The following EIF2AK4 variants were observed in gnomAD, a reference collection of about 807,000 sequenced individuals.
EIF2AK4 encodes eukaryotic translation initiation factor 2 alpha kinase 4.
Under a neutral mutation model 211.1 loss-of-function variants are expected in EIF2AK4, and 139 were observed. The observed-to-expected ratio is 0.66, with a 90% CI of 0.57 to 0.76. The LOEUF is 0.76. EIF2AK4 is among the 30% of genes least tolerant of loss of function. The probability of loss-of-function intolerance (pLI) is 0.00; values close to 1 mark genes in which losing one functional copy is unlikely to be tolerated. For synonymous variants in EIF2AK4, 710 were observed against 751.3 expected (o/e 0.94, Z 0.90); for missense variants, 1,664 against 2,043.8 (o/e 0.81, Z 3.58).
At chr15:39,990,034 G>C (rs2034920802) in intron 15 of EIF2AK4, among the ~76,000 whole-genome samples, 2 of 152,176 alleles carry the variant, frequency 1.3e-5, no homozygotes, top group African/African-American at 4.8e-5. Context: ...GGCCTTGGAT[G>C]CCACAGGGAA....
At chr15:39,984,772 AAATATAC>A (rs1411162610) in intron 13 of EIF2AK4, among the ~76,000 whole-genome samples, 2 of 152,190 alleles carry the variant, frequency 1.3e-5, no homozygotes, top group Non-Finnish European at 2.9e-5. Context: ...GGGGTTTTCT[AAATATAC>A]AATTAAGTCA....
At position 40,001,001 on chromosome 15, in the gene EIF2AK4, C is replaced by T. The variant is rs776612590; in HGVS notation, c.2936C>T (p.Ser979Phe). 7.4e-6 allele frequency: 12 copies of T among 1,614,072 alleles called. No individual in the cohort carries two copies. In the Admixed American group the frequency reaches 1.8e-4, roughly 25 times the overall value. Residue 979 changes from serine (S) to phenylalanine (F), a missense_variant, in exon 21 of 39, where the codon TCC (serine) becomes TTC (phenylalanine). Ser to Phe is a radical substitution (Grantham distance 155). Transcript: ENST00000263791. ...GTTTTATTGTAGAAATCAGTCATCT[C>T]CTGGCTGTTGAACCACGATCCAGCA... is the stretch of plus-strand genomic sequence containing the variant. The part of the protein sequence containing the change: ...GEHAKQKSVI[S>F]WLLNHDPAKR...
chr15:40,022,827 G>A (rs932717774), intron 32 of EIF2AK4, among the ~76,000 whole-genome samples: 27 of 151,960 alleles, frequency 1.8e-4, no homozygotes, highest in African/African-American at 6.5e-4. Flanking sequence ...TCCGCCTCCC[G>A]GGTTCTCGCC....
At chr15:39,951,806 G>T in intron 4 of EIF2AK4, 1 of 164,040 alleles carries the variant, frequency 6.1e-6, no homozygotes. Flanking sequence ...TATTATACAA[G>T]CCATGGTATA....
At position 40,011,641 on chromosome 15, in the gene EIF2AK4, G is replaced by A. The variant is rs2412464; in HGVS notation, c.3759+295G>A. On this transcript the variant is annotated intron_variant, in intron 27 of 38. Transcript: ENST00000263791. ...TGTCACCCCTTATAGAGCTGTGCCT[G>A]GTAGAGCCTCCTGCTGAACATACCT... Among the ~76,000 whole-genome samples the A allele has an allele frequency of 0.59, 89,016 of 151,984 alleles. 26,145 individuals carry two copies. Among genetic ancestry groups the A allele is most frequent in the Admixed American group, 0.66 (10,094 of 15,262 alleles).
At chr15:40,030,267 T>G in intron 34 of EIF2AK4, 92 bp from the exon 35 acceptor site, 1 of 1,238,968 alleles carries the variant, frequency 8.1e-7, no homozygotes, top group Non-Finnish European at 1.2e-6. Flanking sequence ...CACGACAGGA[T>G]GTCTACTAAT....
chr15:39,961,904 G>A lies in EIF2AK4; in HGVS notation c.859+5G>A. ...TGCACAAAGGGAAATGTATTGGTGAGTAAACTAGCAAAATCTATTCATATT... is the reference window on the plus strand; with the variant it reads ...TGCACAAAGGGAAATGTATTGGTGAATAAACTAGCAAAATCTATTCATATT... On this transcript the variant is annotated splice_donor_5th_base_variant and intron_variant, in intron 7 of 38. Coordinates refer to ENST00000263791, the MANE Select transcript of EIF2AK4 (RefSeq NM_001013703.4). 3 of 1,599,846 alleles carry A rather than the reference G, an allele frequency of 1.9e-6. No homozygotes were observed. Among genetic ancestry groups the A allele is most frequent in the South Asian group, 2.2e-5 (2 of 90,004 alleles).
chr15:39,976,461 C>T lies in EIF2AK4; in HGVS notation c.1866C>T (p.Pro622=). The T allele has an allele frequency of 1.9e-6, 3 of 1,610,408 alleles. No homozygotes were observed. Among genetic ancestry groups the T allele is most frequent in the East Asian group, 2.2e-5 (1 of 44,662 alleles). ...DGCCYAVKRI[P]INPASRQFRR... is the part of the protein sequence containing the mutation. Reference sequence around the variant, plus strand: ...GCTGCTACGCAGTGAAGCGCATCCCCATCAACCCGGCCAGCCGGCAGTTCC... The same window carrying T: ...GCTGCTACGCAGTGAAGCGCATCCCTATCAACCCGGCCAGCCGGCAGTTCC... Residue 622 remains proline (P), a synonymous_variant, in exon 12 of 39, where the codon CCC becomes CCT. Transcript: ENST00000263791.
intron 1 of EIF2AK4, 23 bp downstream of exon 1, chr15:39,934,362 C>T (rs1207875006): frequency 1.3e-6 from 2 of 1,591,436 alleles, no homozygotes; most frequent in South Asian, 2.3e-5. Flanking sequence ...CTTGTCAGGC[C>T]CGGGCTGGCG....
chr15:39,939,938 G>A (rs961896742), intron 2 of EIF2AK4, among the ~76,000 whole-genome samples: 1 of 152,152 alleles, frequency 6.6e-6, no homozygotes, highest in East Asian at 1.9e-4. Context: ...AAACAATAAA[G>A]GCATGGTGAC....
rs774081522 is a variant in EIF2AK4 at position 39,985,897 on chromosome 15, G to A, written c.2403+9G>A. On this transcript the variant is annotated intron_variant, in intron 14 of 38. Transcript: ENST00000263791. ...ACTACCTATACATCCAGGTGAGGTC[G>A]TGGTGTGTAGTTAGGTGACACAGCA... is the stretch of plus-strand genomic sequence containing the variant. The A allele has an allele frequency of 3.0e-5, 49 of 1,613,096 alleles. No individual in the cohort carries two copies. Among genetic ancestry groups the A allele is most frequent in the Admixed American group, 6.7e-5 (4 of 59,886 alleles).
At chr15:39,981,924 C>CTTTTTT (rs34776250) in intron 13 of EIF2AK4, among the ~76,000 whole-genome samples, 7 of 122,280 alleles carry the variant, frequency 5.7e-5, no homozygotes, top group Non-Finnish European at 8.3e-5. Flanking sequence ...AATGTGGTCA[C>CTTTTTT]TTTTTTTTTT....
At chr15:40,029,658 T>TAG (rs2035512375) in intron 34 of EIF2AK4, among the ~76,000 whole-genome samples, 194 bp downstream of exon 34, 1 of 152,234 alleles carries the variant, frequency 6.6e-6, no homozygotes, top group Non-Finnish European at 1.5e-5. Context: ...AACTGGAATT[T>TAG]AGCTGACTCT....
At chr15:39,936,398 A>C (rs949378670) in intron 1 of EIF2AK4, among the ~76,000 whole-genome samples, 1 of 152,166 alleles carries the variant, frequency 6.6e-6, no homozygotes, top group Non-Finnish European at 1.5e-5. Flanking sequence ...AAAGTGATGC[A>C]GGTCCAAAAT....
In EIF2AK4 at chr15:40,019,142, T is replaced by A; in HGVS notation, c.4115T>A (p.Ile1372Asn). ...GCTCTGGGGCCAGTTCCCACTGCCA[T>A]TGGGGTCAGCATAGCTATAGACAAG... ...PQALGPVPTA[I>N]GVSIAIDKIS... is the part of the protein sequence containing the mutation. Residue 1372 changes from isoleucine (I) to asparagine (N), a missense_variant, in exon 30 of 39, where the codon ATT (isoleucine) becomes AAT (asparagine). Ile to Asn is a moderately radical substitution (Grantham distance 149). Around this residue, in one of 7 missense-constraint regions of EIF2AK4, gnomAD observed 622 missense variants for 796.8 expected, o/e 0.78. Transcript: ENST00000263791. The A allele has an allele frequency of 6.2e-7, 1 of 1,608,046 alleles. No homozygotes were observed. The highest frequency in any genetic ancestry group is 1.1e-5 in the South Asian group (1 of 89,642).
At chr15:39,946,631 C>T (rs2034231345) in intron 3 of EIF2AK4, 3 of 700,864 alleles carry the variant, frequency 4.3e-6, no homozygotes, top group East Asian at 5.4e-5. Flanking sequence ...GAAAGAAGTT[C>T]AAGTGTGACT....
chr15:40,019,750 A>G (rs1445145703), intron 30 of EIF2AK4, among the ~76,000 whole-genome samples: 3 of 152,176 alleles, frequency 2.0e-5, no homozygotes, highest in Non-Finnish European at 2.9e-5. Context: ...GGTGCCAAAA[A>G]GGTTGAAGAC....
In EIF2AK4 at chr15:40,034,582, A is replaced by G; in HGVS notation, c.4892+138A>G. On this transcript the variant is annotated intron_variant, in intron 38 of 38. Transcript: ENST00000263791. ...CTTAGAATTGCAGCTGACAACCAAT[A>G]AATCTTGCTTGGACTGTGAATCACA... 3 of 684,772 alleles carry G rather than the reference A, an allele frequency of 4.4e-6. No homozygotes were observed. The South Asian group carries it at 5.3e-5, about 12-fold the overall frequency. 42.4% of individuals were successfully genotyped at this position (684,772 alleles called of 1,614,324 possible).
chr15:40,022,627 T>C (rs1488228076), intron 32 of EIF2AK4, 22 bp downstream of exon 32: 1 of 1,609,202 alleles, frequency 6.2e-7, no homozygotes. Flanking sequence ...AGAGATTTTT[T>C]ACAATTCAAT....
Sources: allele counts gnomAD v4.1 joint callset (sites outside exome capture counted in the v4.1 genomes callset), GRCh38; gene constraint gnomAD v4.1.1; regional missense constraint gnomAD v4.1.1; transcripts MANE v1.5; gene names NCBI Gene and HGNC (gene_info 2026-07-23, HGNC 2026-07-21).